The following SNX24 variants were observed in gnomAD, a reference collection of about 807,000 sequenced individuals.
SNX24 encodes the protein sorting nexin 24.
Under a neutral mutation model 28.7 loss-of-function variants are expected in SNX24, and 22 were observed. The ratio of observed to expected loss-of-function variants is 0.77; its 90% CI spans 0.55 to 1.10. SNX24 has a LOEUF of 1.10. Among genes scored for constraint, SNX24 ranks in the 50% least tolerant of loss-of-function variants. The pLI is 0.00. For synonymous variants in SNX24, 69 were observed against 71.5 expected (o/e 0.96, Z 0.18); for missense variants, 221 against 201.1 (o/e 1.10, Z -0.60).
At chr5:122,964,373 T>C (rs1237494884) in intron 3 of SNX24, among the ~76,000 whole-genome samples, 2 of 151,912 alleles carry the variant, frequency 1.3e-5, no homozygotes, top group East Asian at 3.9e-4. Flanking sequence ...GGGGTGCTAC[T>C]AGCATGTAGT....
At chr5:122,916,306 C>T (rs936575576) in intron 1 of SNX24, among the ~76,000 whole-genome samples, 12 of 152,130 alleles carry the variant, frequency 7.9e-5, no homozygotes, top group South Asian at 2.1e-4. Flanking sequence ...TCCAGGGAGA[C>T]CTGGATCTCT....
At chr5:122,934,088 G>T (rs911923691) in intron 1 of SNX24, among the ~76,000 whole-genome samples, 9 of 152,084 alleles carry the variant, frequency 5.9e-5, no homozygotes, top group African/African-American at 1.9e-4. Flanking sequence ...GAATCCCAGA[G>T]CCTAGAACAA....
At chr5:122,855,688 A>T (rs76921105) in intron 1 of SNX24, among the ~76,000 whole-genome samples, 1 of 152,138 alleles carries the variant, frequency 6.6e-6, no homozygotes, top group Non-Finnish European at 1.5e-5. Flanking sequence ...GTAATGTTCT[A>T]TATCCTTTGT....
At chr5:122,993,951 TA>T (rs1448935683) in intron 3 of SNX24, among the ~76,000 whole-genome samples, 1 of 152,230 alleles carries the variant, frequency 6.6e-6, no homozygotes, top group African/African-American at 2.4e-5. Flanking sequence ...AGTGCTCTTG[TA>T]AACCTCTTGA....
intron 3 of SNX24, among the ~76,000 whole-genome samples, chr5:122,977,339 C>T (rs957010455): frequency 1.3e-5 from 2 of 151,112 alleles, no homozygotes; most frequent in Non-Finnish European, 2.9e-5. Flanking sequence ...CCACCCCCAC[C>T]CCTTCCCAAT....
rs376319415 is a variant in SNX24 at position 122,901,103 on chromosome 5, A to T, written c.61-35631A>T. Among the ~76,000 whole-genome samples the T allele has an allele frequency of 2.3e-3, 346 of 151,210 alleles. 4 individuals carry two copies. Among genetic ancestry groups the T allele is most frequent in the African/African-American group, 7.9e-3 (324 of 41,228 alleles). ...GTAATCCCAGCTACTCAGGAGGTTG[A>T]GGTAGTAGAATCGCTTGAACCTGAA... is the stretch of plus-strand genomic sequence containing the variant. On this transcript the variant is annotated intron_variant, in intron 1 of 6. Transcript: ENST00000261369.
At chr5:123,024,555 C>T (rs1762823865) in intron 5 of SNX24, among the ~76,000 whole-genome samples, 1 of 152,170 alleles carries the variant, frequency 6.6e-6, no homozygotes, top group Non-Finnish European at 1.5e-5. Flanking sequence ...TGTGAAGGCA[C>T]CTTTCTCTAC....
At chr5:122,952,330 A>G (rs1383913594) in intron 3 of SNX24, among the ~76,000 whole-genome samples, 1 of 152,202 alleles carries the variant, frequency 6.6e-6, no homozygotes, top group Non-Finnish European at 1.5e-5. Context: ...TTAAAAAAAG[A>G]ATTTTCTTTT....
At chr5:122,868,039 A>T (rs1263561577) in intron 1 of SNX24, among the ~76,000 whole-genome samples, 1 of 152,260 alleles carries the variant, frequency 6.6e-6, no homozygotes, top group Non-Finnish European at 1.5e-5. Flanking sequence ...AGAGAGGGAC[A>T]GTGTACTGCA....
At chr5:123,029,081 A>C in intron 5 of SNX24, 1 of 919,872 alleles carries the variant, frequency 1.1e-6, no homozygotes, top group South Asian at 1.8e-5. Context: ...GAATAAGTTA[A>C]AAGAGAGCAA....
intron 1 of SNX24, among the ~76,000 whole-genome samples, chr5:122,924,101 T>C (rs770949590): frequency 3.2e-4 from 48 of 152,202 alleles, no homozygotes; most frequent in Non-Finnish European, 5.9e-4. Context: ...TCAGGTGTTA[T>C]GTTCAAAGAC....
At chr5:122,911,394 G>A (rs1757881913) in intron 1 of SNX24, among the ~76,000 whole-genome samples, 1 of 152,140 alleles carries the variant, frequency 6.6e-6, no homozygotes, top group African/African-American at 2.4e-5. Flanking sequence ...AGTAGGTTGT[G>A]AAAATTTTCT....
chr5:122,878,980 A>C (rs1756356222), intron 1 of SNX24, among the ~76,000 whole-genome samples: 1 of 152,090 alleles, frequency 6.6e-6, no homozygotes, highest in African/African-American at 2.4e-5. Context: ...AAAAATTAAA[A>C]AAAAGAAATA....
chr5:122,904,176 T>A (rs2150082635), intron 1 of SNX24, among the ~76,000 whole-genome samples: 1 of 150,672 alleles, frequency 6.6e-6, no homozygotes, highest in East Asian at 1.9e-4. Context: ...TACCTAGTCT[T>A]TTTTTTTTGT....
intron 1 of SNX24, among the ~76,000 whole-genome samples, chr5:122,902,057 C>A (rs970060343): frequency 1.3e-5 from 2 of 152,242 alleles, no homozygotes; most frequent in Admixed American, 6.5e-5. Context: ...GTCTGTCCTT[C>A]ATCTGGGCAT....
intron 3 of SNX24, among the ~76,000 whole-genome samples, chr5:122,993,048 G>A (rs746116287): frequency 6.7e-6 from 1 of 148,768 alleles, no homozygotes; most frequent in Non-Finnish European, 1.5e-5. Flanking sequence ...GGCCCTTTTC[G>A]GCATTCAGCG....
chr5:122,916,759 T>A (rs748174448), intron 1 of SNX24, among the ~76,000 whole-genome samples: 3 of 152,208 alleles, frequency 2.0e-5, no homozygotes, highest in Non-Finnish European at 4.4e-5. Context: ...GGTTGAATGA[T>A]AATCTTTCTT....
At chr5:122,938,207 G>A (rs994932741) in intron 2 of SNX24, among the ~76,000 whole-genome samples, 2 of 152,138 alleles carry the variant, frequency 1.3e-5, no homozygotes. Context: ...GCTTCTGGAG[G>A]CGAGGCTTGT....
At chr5:122,978,463 C>G (rs1274815257) in intron 3 of SNX24, among the ~76,000 whole-genome samples, 2 of 152,220 alleles carry the variant, frequency 1.3e-5, no homozygotes, top group African/African-American at 4.8e-5. Context: ...AGAAAGATAC[C>G]TAATTTATCT....
Sources: gnomAD v4.1 joint callset for allele counts (sites outside exome capture counted in the v4.1 genomes callset) on GRCh38, gnomAD v4.1.1 for gene constraint, MANE v1.5 for transcripts, NCBI Gene and HGNC (gene_info 2026-07-23, HGNC 2026-07-21) for gene names.